Variants in MDGA2 observed in about 807,000 individuals in gnomAD.
The protein encoded by MDGA2 is MAM domain containing glycosylphosphatidylinositol anchor 2, also known as MAM domain-containing glycosylphosphatidylinositol anchor protein 2.
MDGA2 carries 40 observed loss-of-function variants against 117.8 expected under a neutral mutation model. That is an observed-to-expected ratio of 0.34 (90% CI 0.26 to 0.44). MDGA2 has a LOEUF of 0.44. Among genes scored for constraint, MDGA2 ranks in the 20% least tolerant of loss-of-function variants. The pLI, the probability that MDGA2 is intolerant of heterozygous loss-of-function variation, is 1.00. For missense variants in MDGA2, 1,123 were observed against 1,250.6 expected, an observed-to-expected ratio of 0.90 and a Z score of 1.54; for synonymous variants, 452 against 439.0, an observed-to-expected ratio of 1.03 and a Z score of -0.37.
At position 47,068,417 on chromosome 14, in the gene MDGA2, A is replaced by AAT. The variant is rs1555349028; in HGVS notation, c.1196-6841_1196-6840dup. 1.0e-3 allele frequency among the ~76,000 whole-genome samples: 149 copies of AAT among 148,290 alleles called. 2 individuals are homozygous for AAT. The highest frequency in any genetic ancestry group is 6.7e-3 in the Admixed American group (100 of 14,826). ...ATCCTATTTTAAGTAAGAAAAAAAA[A>AAT]ATATATATATATATATTGCTGATAA... On this transcript the variant is annotated intron_variant, in intron 6 of 16. Transcript: ENST00000399232.
In MDGA2 at chr14:47,612,920, A is replaced by G. The variant is rs74750179; in HGVS notation, c.280+61597T>C. ...CTGATCAAGTTTATTAGCAGGACCT[A>G]ATATTTCCCCTTCCTCACCTCTCCA... On this transcript the variant is annotated intron_variant, in intron 1 of 16. Transcript: ENST00000399232. Among the ~76,000 whole-genome samples the G allele has an allele frequency of 6.4e-3, 980 of 152,260 alleles. 11 individuals carry two copies. The highest frequency in any genetic ancestry group is 0.022 in the African/African-American group (920 of 41,554).
At chr14:46,862,381 A>G (rs1334095624) in intron 14 of MDGA2, among the ~76,000 whole-genome samples, 1 of 149,960 alleles carries the variant, frequency 6.7e-6, no homozygotes, top group African/African-American at 2.4e-5. Context: ...GCATTATGCA[A>G]TAGCCTGATT....
rs34331194 is a variant in MDGA2, at chr14:47,458,007, ATTT to A, written c.281-156460_281-156458del. ...CTTTTCCATAAGATGTCTTCCCCAT[ATTT>A]TTTTTTTTTTTTAATCTTGTCATGA... On this transcript the variant is annotated intron_variant, in intron 1 of 16. Transcript: ENST00000399232. Among the ~76,000 whole-genome samples the A allele has an allele frequency of 4.5e-3, 662 of 146,668 alleles. 2 individuals carry two copies. The highest frequency in any genetic ancestry group is 0.018 in the East Asian group (90 of 5,048).
At chr14:47,226,974 G>A (rs114887652) in intron 2 of MDGA2, among the ~76,000 whole-genome samples, 4,027 of 152,056 alleles carry the variant, frequency 0.026, 117 homozygotes, top group East Asian at 0.11. Context: ...CGGTCCTCCA[G>A]ATATCATTTT....
At chr14:46,900,071 G>A (rs1166005493) in intron 10 of MDGA2, among the ~76,000 whole-genome samples, 1 of 152,062 alleles carries the variant, frequency 6.6e-6, no homozygotes, top group Non-Finnish European at 1.5e-5. Flanking sequence ...GACATGCACA[G>A]ACATTTCTCT....
At chr14:47,211,860 T>C (rs984239800) in intron 3 of MDGA2, among the ~76,000 whole-genome samples, 2 of 152,214 alleles carry the variant, frequency 1.3e-5, no homozygotes, top group African/African-American at 4.8e-5. Flanking sequence ...TCATTCACTG[T>C]TGTGTGGCAT....
intron 1 of MDGA2, among the ~76,000 whole-genome samples, chr14:47,346,039 A>C (rs1890755394): frequency 6.6e-6 from 1 of 152,040 alleles, no homozygotes; most frequent in Admixed American, 6.6e-5. Flanking sequence ...TAAAATGACT[A>C]TAGTTAACAA....
chr14:47,033,009 C>T (rs1177276058), intron 8 of MDGA2, among the ~76,000 whole-genome samples: 3 of 152,116 alleles, frequency 2.0e-5, no homozygotes, highest in African/African-American at 7.2e-5. Flanking sequence ...CAAATTGTAT[C>T]ATTTTTACCT....
intron 1 of MDGA2, among the ~76,000 whole-genome samples, chr14:47,512,423 A>G (rs1330241880): frequency 2.6e-5 from 4 of 152,146 alleles, no homozygotes; most frequent in Admixed American, 1.3e-4. Context: ...CTGTAGTTCA[A>G]AATCACTCAT....
intron 2 of MDGA2, among the ~76,000 whole-genome samples, chr14:47,268,558 T>C (rs1888041220): frequency 6.6e-6 from 1 of 152,120 alleles, no homozygotes. Flanking sequence ...TGAAACTCTA[T>C]AATAATGAGA....
At chr14:47,467,991 C>T (rs551622176) in intron 1 of MDGA2, among the ~76,000 whole-genome samples, 17 of 152,178 alleles carry the variant, frequency 1.1e-4, no homozygotes, top group African/African-American at 3.6e-4. Flanking sequence ...GAAACAAGAC[C>T]TTATCCTATA....
At chr14:47,556,262 T>C (rs1012130790) in intron 1 of MDGA2, among the ~76,000 whole-genome samples, 7 of 152,164 alleles carry the variant, frequency 4.6e-5, no homozygotes, top group Non-Finnish European at 1.0e-4. Flanking sequence ...CAGTGACATT[T>C]AAGACTCCAC....
At chr14:47,482,280 T>C (rs1272620960) in intron 1 of MDGA2, among the ~76,000 whole-genome samples, 1 of 151,982 alleles carries the variant, frequency 6.6e-6, no homozygotes, top group African/African-American at 2.4e-5. Context: ...TTCCCTAATA[T>C]AAAAAAGGTT....
chr14:47,264,654 T>A (rs922902349), intron 2 of MDGA2, among the ~76,000 whole-genome samples: 4 of 152,160 alleles, frequency 2.6e-5, no homozygotes, highest in African/African-American at 9.7e-5. Flanking sequence ...GATTTTTTTC[T>A]TTAAAAATTT....
At chr14:47,277,883 C>T (rs1008107953) in intron 2 of MDGA2, among the ~76,000 whole-genome samples, 3 of 152,110 alleles carry the variant, frequency 2.0e-5, no homozygotes, top group Non-Finnish European at 4.4e-5. Flanking sequence ...CTAGGAACCT[C>T]ACCCTAAGTA....
At chr14:47,453,501 CAT>C (rs1566464474) in intron 1 of MDGA2, among the ~76,000 whole-genome samples, 1 of 152,104 alleles carries the variant, frequency 6.6e-6, no homozygotes, top group African/African-American at 2.4e-5. Context: ...ATCTCCCTCA[CAT>C]AGTAAATTCT....
chr14:47,494,317 C>T (rs566337119), intron 1 of MDGA2, among the ~76,000 whole-genome samples: 21 of 152,266 alleles, frequency 1.4e-4, no homozygotes, highest in Admixed American at 7.2e-4. Flanking sequence ...GGTATATAAA[C>T]TTAATCTTCC....
chr14:47,034,815 A>T (rs1231846139), intron 8 of MDGA2, among the ~76,000 whole-genome samples, 196 bp downstream of exon 8: 1 of 152,144 alleles, frequency 6.6e-6, no homozygotes, highest in Non-Finnish European at 1.5e-5. Flanking sequence ...TGCAAAAAGC[A>T]CATTTAGGGT....
intron 4 of MDGA2, among the ~76,000 whole-genome samples, chr14:47,134,172 C>A (rs1468561514): frequency 1.3e-5 from 2 of 151,956 alleles, no homozygotes; most frequent in Non-Finnish European, 2.9e-5. Flanking sequence ...TCTCCCTTTG[C>A]CAGTAAGTAC....
Sources: gnomAD v4.1 joint callset for allele counts (sites outside exome capture counted in the v4.1 genomes callset) on GRCh38, gnomAD v4.1.1 for gene constraint, MANE v1.5 for transcripts, NCBI Gene and HGNC (gene_info 2026-07-23, HGNC 2026-07-21) for gene names.